Variants in MYT1L observed in about 807,000 individuals in gnomAD.
The protein encoded by MYT1L is myelin transcription factor 1 like, also known as myelin transcription factor 1-like protein.
A neutral mutation model predicts 126.7 loss-of-function variants in MYT1L; 12 were observed. The ratio of observed to expected loss-of-function variants is 0.09; its 90% CI spans 0.06 to 0.15. The LOEUF (loss-of-function observed/expected upper bound fraction) is 0.15. Ranked by LOEUF, MYT1L falls within the 10% of genes least tolerant of loss-of-function variation. The pLI, the probability that MYT1L is intolerant of heterozygous loss-of-function variation, is 1.00. For synonymous variants in MYT1L, 541 were observed against 604.2 expected, an observed-to-expected ratio of 0.90 and a Z score of 1.53; for missense variants, 979 against 1,585.2, an observed-to-expected ratio of 0.62 and a Z score of 6.49.
chr2:1,850,099 T>C (rs1240129970), intron 19 of MYT1L, among the ~76,000 whole-genome samples: 1 of 151,510 alleles, frequency 6.6e-6, no homozygotes, highest in East Asian at 1.9e-4. Context: ...TCTCCCTCTC[T>C]CCTTCCCTTC....
intron 21 of MYT1L, among the ~76,000 whole-genome samples, chr2:1,819,418 T>C (rs2038180560): frequency 6.6e-6 from 1 of 152,166 alleles, no homozygotes; most frequent in Non-Finnish European, 1.5e-5. Flanking sequence ...GCTCAAACAA[T>C]CTATGACCAT....
At chr2:2,225,759 TA>T (rs917966379) in intron 2 of MYT1L, among the ~76,000 whole-genome samples, 2 of 150,958 alleles carry the variant, frequency 1.3e-5, no homozygotes, top group African/African-American at 2.4e-5. Context: ...TATACAAATG[TA>T]AAAAAAAATA....
At chr2:1,861,785 G>T (rs79607809) in intron 18 of MYT1L, among the ~76,000 whole-genome samples, 5 of 5,480 alleles carry the variant, frequency 9.1e-4, no homozygotes, top group Non-Finnish European at 1.8e-3. Flanking sequence ...TCCTGGATCT[G>T]CCTGCAGACT....
chr2:2,217,763 T>G (rs866521637), intron 2 of MYT1L, among the ~76,000 whole-genome samples: 1 of 147,910 alleles, frequency 6.8e-6, no homozygotes, highest in Non-Finnish European at 1.5e-5. Flanking sequence ...AAATCCACAT[T>G]AATAGACTCT....
At chr2:1,837,651 G>T (rs11894321) in intron 21 of MYT1L, among the ~76,000 whole-genome samples, 66,550 of 151,690 alleles carry the variant, frequency 0.44, 15,480 homozygotes, top group East Asian at 0.66. Flanking sequence ...GCTCAATGGG[G>T]AGGGTGAGGC....
intron 18 of MYT1L, among the ~76,000 whole-genome samples, chr2:1,862,926 G>T (rs931494080): frequency 2.0e-5 from 3 of 152,068 alleles, no homozygotes; most frequent in African/African-American, 4.8e-5. Flanking sequence ...AGGAGAGGAG[G>T]AGCTGCTGCA....
chr2:1,814,785 G>C (rs1171188162), intron 21 of MYT1L, among the ~76,000 whole-genome samples: 1 of 152,242 alleles, frequency 6.6e-6, no homozygotes, highest in Middle Eastern at 3.4e-3. Flanking sequence ...GCCTGGCGGA[G>C]AGCATTCACC....
At chr2:1,915,071 C>T (rs973225010) in intron 11 of MYT1L, among the ~76,000 whole-genome samples, 3 of 152,100 alleles carry the variant, frequency 2.0e-5, no homozygotes, top group Admixed American at 1.3e-4. Context: ...TTCTCTCAGC[C>T]GGGCTGGGAG....
chr2:1,855,918 T>C (rs1285557976), intron 18 of MYT1L, among the ~76,000 whole-genome samples: 2 of 152,068 alleles, frequency 1.3e-5, no homozygotes, highest in East Asian at 1.9e-4. Flanking sequence ...GTTGTACATA[T>C]TAAGAGAAAA....
At chr2:1,904,719 T>C (rs367561609) in intron 13 of MYT1L, among the ~76,000 whole-genome samples, 19 of 151,428 alleles carry the variant, frequency 1.3e-4, no homozygotes, top group African/African-American at 2.7e-4. Flanking sequence ...CTGCCATCTT[T>C]GTATTTTTCT....
intron 8 of MYT1L, among the ~76,000 whole-genome samples, chr2:1,956,404 GTCTATCTATCTA>G (rs372440974): frequency 9.8e-5 from 8 of 81,662 alleles, no homozygotes; most frequent in Middle Eastern, 6.6e-3. Flanking sequence ...CTATCTGTCT[GTCTATCTATCTA>G]TCTATCTATC....
At chr2:2,287,527 T>C (rs542064634) in intron 1 of MYT1L, among the ~76,000 whole-genome samples, 1 of 152,100 alleles carries the variant, frequency 6.6e-6, no homozygotes, top group African/African-American at 2.4e-5. Context: ...AAAAATAGAT[T>C]GTTGAAAAAA....
chr2:2,056,852 C>T (rs1303791653), intron 3 of MYT1L, among the ~76,000 whole-genome samples: 1 of 152,232 alleles, frequency 6.6e-6, no homozygotes, highest in Admixed American at 6.5e-5. Context: ...TCTCCTCATC[C>T]ACCCTTCCTC....
Position 2,049,152 on chromosome 2 carries a change from C to G in MYT1L, c.-158+4826G>C, listed in dbSNP as rs868148203. Among the ~76,000 whole-genome samples the G allele has an allele frequency of 1.6e-4, 24 of 152,278 alleles. No individual in the cohort carries two copies. In the Middle Eastern group the frequency reaches 0.014, roughly 86 times the overall value. ...TAAGGAGGATCTTGACAAAGCAAGA[C>G]TCAAAATTATTTGGTTGCTTTCTGG... On this transcript the variant is annotated intron_variant, in intron 4 of 24. Coordinates refer to ENST00000647738, the MANE Select transcript of MYT1L (RefSeq NM_001303052.2).
chr2:1,972,082 T>C (rs538093370), intron 8 of MYT1L, among the ~76,000 whole-genome samples: 2 of 152,278 alleles, frequency 1.3e-5, no homozygotes, highest in East Asian at 1.9e-4. Flanking sequence ...ATGTGTCTCA[T>C]AAAGAATGAA....
In MYT1L at chr2:1,910,088, A is replaced by C. The variant is rs1253012257; in HGVS notation, c.1817+152T>G. ...CCCTCACACAGCCTGGCCTGGAGTGAGGGGTCCTGGCCCCGGCTTCCAGCA... is the reference window on the plus strand; with the variant it reads ...CCCTCACACAGCCTGGCCTGGAGTGCGGGGTCCTGGCCCCGGCTTCCAGCA... On this transcript the variant is annotated intron_variant, in intron 13 of 24. Coordinates refer to ENST00000647738, the MANE Select transcript of MYT1L (RefSeq NM_001303052.2). This position sits in a 1 kb window ranked among gnomAD's most constrained non-coding sequence, Gnocchi z 4.8. Among the ~76,000 whole-genome samples, 4 of 152,144 alleles carry C rather than the reference A, an allele frequency of 2.6e-5. No homozygotes were observed. Among genetic ancestry groups the C allele is most frequent in the Non-Finnish European group, 4.4e-5 (3 of 68,006 alleles).
rs10196880 is a variant in MYT1L at position 2,125,378 on chromosome 2, A to G, written c.-304+47494T>C. ...CTTTAACAATGCTACACATCAATGAATAATTTCTGGAGATTATTTCTAGAA... is the reference window on the plus strand; with the variant it reads ...CTTTAACAATGCTACACATCAATGAGTAATTTCTGGAGATTATTTCTAGAA... On this transcript the variant is annotated intron_variant, in intron 3 of 24. Transcript: ENST00000647738. Among the ~76,000 whole-genome samples, 363 of 152,338 alleles carry G rather than the reference A, an allele frequency of 2.4e-3. 3 individuals are homozygous for G. Among genetic ancestry groups the G allele is most frequent in the African/African-American group, 8.5e-3 (353 of 41,566 alleles).
At chr2:2,191,031 C>T (rs1319334083) in intron 2 of MYT1L, among the ~76,000 whole-genome samples, 2 of 152,190 alleles carry the variant, frequency 1.3e-5, no homozygotes, top group African/African-American at 4.8e-5. Context: ...GTGATCCTCC[C>T]GCCTCAACCT....
In MYT1L at chr2:1,917,974, G is replaced by A. The variant is rs1272458460; in HGVS notation, c.1484-635C>T. On this transcript the variant is annotated intron_variant, in intron 10 of 24. Coordinates refer to ENST00000647738, the MANE Select transcript of MYT1L (RefSeq NM_001303052.2). This position sits in a 1 kb window ranked among gnomAD's most constrained non-coding sequence, Gnocchi z 5.9. ...GGAAAGCCCACCTGACAGAGGTGAC[G>A]GGTAATCAACATGTTTCAGAAGCCA... Among the ~76,000 whole-genome samples the A allele has an allele frequency of 6.6e-6, 1 of 152,156 alleles. No individual in the cohort carries two copies. Among genetic ancestry groups the A allele is most frequent in the Non-Finnish European group, 1.5e-5 (1 of 68,048 alleles).
Sources: allele counts gnomAD v4.1 joint callset (sites outside exome capture counted in the v4.1 genomes callset), GRCh38; gene constraint gnomAD v4.1.1; non-coding constraint Gnocchi (gnomAD v3.1); transcripts MANE v1.5; gene names NCBI Gene and HGNC (gene_info 2026-07-23, HGNC 2026-07-21).